The following AGBL4 variants were observed in gnomAD, a reference collection of about 807,000 sequenced individuals.
AGBL4 encodes cytosolic carboxypeptidase 6.
A neutral mutation model predicts 66.4 loss-of-function variants in AGBL4; 58 were observed. The observed-to-expected ratio is 0.87, with a 90% CI of 0.71 to 1.09. The LOEUF (loss-of-function observed/expected upper bound fraction) is 1.09. Ranked by LOEUF, AGBL4 falls within the 50% of genes least tolerant of loss-of-function variation. AGBL4 has a pLI of 0.00. For synonymous variants in AGBL4, 234 were observed against 222.9 expected (o/e 1.05, Z -0.44); for missense variants, 579 against 631.0 (o/e 0.92, Z 0.88).
intron 6 of AGBL4, among the ~76,000 whole-genome samples, chr1:48,701,426 T>C (rs937475809): frequency 1.5e-4 from 23 of 149,832 alleles, no homozygotes; most frequent in African/African-American, 3.7e-4. Flanking sequence ...TTCTACCTAA[T>C]ACCAGATTGG....
At chr1:48,940,494 T>C (rs1460513284) in intron 5 of AGBL4, among the ~76,000 whole-genome samples, 1 of 152,200 alleles carries the variant, frequency 6.6e-6, no homozygotes, top group African/African-American at 2.4e-5. Flanking sequence ...TCTAGTTGAA[T>C]TAAAAGAGTG....
At chr1:49,089,570 CAAT>C (rs563165751) in intron 4 of AGBL4, among the ~76,000 whole-genome samples, 7 of 152,006 alleles carry the variant, frequency 4.6e-5, no homozygotes, top group Non-Finnish European at 1.0e-4. Flanking sequence ...CTGAACAGAA[CAAT>C]AATAAGTTCT....
rs555625283 is a variant in AGBL4, at chr1:49,161,127, A to G, written c.377+84643T>C. On this transcript the variant is annotated intron_variant, in intron 4 of 13. Coordinates refer to ENST00000371839, the MANE Select transcript of AGBL4 (RefSeq NM_032785.4). Reference sequence around the variant, plus strand: ...AAAAAAAACTCCTGTAGCTAGTTTGATGTTTGCCTAAATGGCCACCCAGTT... The same window carrying G: ...AAAAAAAACTCCTGTAGCTAGTTTGGTGTTTGCCTAAATGGCCACCCAGTT... Among the ~76,000 whole-genome samples the G allele has an allele frequency of 9.9e-5, 15 of 152,134 alleles. No individual in the cohort carries two copies. In the East Asian group the frequency reaches 2.7e-3, roughly 28 times the overall value.
At chr1:48,925,145 T>C (rs533651630) in intron 5 of AGBL4, among the ~76,000 whole-genome samples, 9 of 136,162 alleles carry the variant, frequency 6.6e-5, no homozygotes, top group Non-Finnish European at 1.0e-4. Context: ...TATATATATA[T>C]ACATACACAC....
chr1:48,997,321 G>C (rs1392892709), intron 5 of AGBL4, among the ~76,000 whole-genome samples: 1 of 152,156 alleles, frequency 6.6e-6, no homozygotes, highest in Non-Finnish European at 1.5e-5. Flanking sequence ...AGAGGAATAA[G>C]GACATGTTCC....
At chr1:49,091,701 G>A (rs988058241) in intron 4 of AGBL4, among the ~76,000 whole-genome samples, 18 of 151,952 alleles carry the variant, frequency 1.2e-4, no homozygotes, top group Non-Finnish European at 1.9e-4. Context: ...AGGAATATAA[G>A]TCATTCTACC....
At chr1:48,751,732 G>A (rs1651768210) in intron 6 of AGBL4, among the ~76,000 whole-genome samples, 1 of 152,198 alleles carries the variant, frequency 6.6e-6, no homozygotes. Context: ...TGACAATGGG[G>A]AAAAGCCTAA....
chr1:49,880,821 G>A (rs1571789061), intron 1 of AGBL4, among the ~76,000 whole-genome samples: 1 of 151,860 alleles, frequency 6.6e-6, no homozygotes, highest in East Asian at 1.9e-4. Context: ...GATTCCGTGG[G>A]CGTAGGGCCC....
At chr1:49,829,026 G>C (rs1411744449) in intron 2 of AGBL4, among the ~76,000 whole-genome samples, 1 of 150,830 alleles carries the variant, frequency 6.6e-6, no homozygotes, top group Admixed American at 6.6e-5. Flanking sequence ...CCAAGATAGC[G>C]CCACTGCAGT....
chr1:49,162,226 G>A (rs1484179174), intron 4 of AGBL4, among the ~76,000 whole-genome samples: 2 of 152,068 alleles, frequency 1.3e-5, no homozygotes, highest in Non-Finnish European at 2.9e-5. Context: ...TGATGATGAT[G>A]GTGGTGATGA....
At position 49,947,969 on chromosome 1, in the gene AGBL4, T is replaced by TATTTATATATATAA. The variant is rs1553151747; in HGVS notation, c.34+75793_34+75794insTTATATATATAAAT. Among the ~76,000 whole-genome samples, 466 of 75,270 alleles carry TATTTATATATATAA rather than the reference T, an allele frequency of 6.2e-3. 6 individuals are homozygous for TATTTATATATATAA. The highest frequency in any genetic ancestry group is 0.01 in the Non-Finnish European group (370 of 36,528). The allele number at this position is 75,270 out of a possible 152,430, so 49.4% of individuals were successfully genotyped here. ...TAGCTGCAATATATATATAAATATA[T>TATTTATATATATAA]ATATTTATAAATATATATTTATATA... On this transcript the variant is annotated intron_variant, in intron 1 of 13. Transcript: ENST00000371839.
At chr1:49,017,582 A>C (rs1014143351) in intron 5 of AGBL4, among the ~76,000 whole-genome samples, 6 of 152,240 alleles carry the variant, frequency 3.9e-5, no homozygotes, top group Middle Eastern at 3.4e-3. Flanking sequence ...ACTTCCAAAA[A>C]ACCCTGATGG....
intron 4 of AGBL4, among the ~76,000 whole-genome samples, chr1:49,065,539 C>T (rs759450411): frequency 2.0e-5 from 3 of 152,154 alleles, no homozygotes; most frequent in Non-Finnish European, 2.9e-5. Flanking sequence ...GGAGTCTGAA[C>T]CAAGCTGCAG....
intron 3 of AGBL4, among the ~76,000 whole-genome samples, chr1:49,589,940 A>C (rs1212948739): frequency 1.3e-5 from 2 of 152,104 alleles, no homozygotes; most frequent in African/African-American, 2.4e-5. Context: ...GCTTACTCCT[A>C]TAGTAATAAA....
At chr1:49,785,770 C>T (rs1053426040) in intron 2 of AGBL4, among the ~76,000 whole-genome samples, 4 of 151,178 alleles carry the variant, frequency 2.6e-5, no homozygotes, top group Non-Finnish European at 4.4e-5. Context: ...ATAGGAAGAA[C>T]AACAACAACC....
intron 2 of AGBL4, among the ~76,000 whole-genome samples, chr1:49,838,971 T>C (rs1645921791): frequency 6.6e-6 from 1 of 152,200 alleles, no homozygotes; most frequent in South Asian, 2.1e-4. Flanking sequence ...CTCAGATTAC[T>C]TGAAAAGAGC....
chr1:49,285,722 A>G (rs949136698), intron 3 of AGBL4, among the ~76,000 whole-genome samples: 2 of 152,226 alleles, frequency 1.3e-5, no homozygotes, highest in Non-Finnish European at 2.9e-5. Context: ...ACAGACTACC[A>G]TCAGAGAATA....
At chr1:49,173,090 GC>G (rs1466008033) in intron 4 of AGBL4, among the ~76,000 whole-genome samples, 7 of 152,112 alleles carry the variant, frequency 4.6e-5, no homozygotes, top group African/African-American at 1.7e-4. Flanking sequence ...TTGCCCTCCA[GC>G]CTGGGTAACA....
At chr1:48,597,084 C>T (rs2148357336) in intron 9 of AGBL4, among the ~76,000 whole-genome samples, 1 of 152,304 alleles carries the variant, frequency 6.6e-6, no homozygotes, top group African/African-American at 2.4e-5. Flanking sequence ...CACCTTCTGG[C>T]AACATCTTGT....
Sources: allele counts gnomAD v4.1 joint callset (sites outside exome capture counted in the v4.1 genomes callset), GRCh38; gene constraint gnomAD v4.1.1; transcripts MANE v1.5; gene names NCBI Gene and HGNC (gene_info 2026-07-23, HGNC 2026-07-21).